Variants in PLXNA4 observed in about 807,000 individuals in gnomAD.
PLXNA4 encodes plexin-A4.
Under a neutral mutation model 191.8 loss-of-function variants are expected in PLXNA4, and 44 were observed. The observed-to-expected ratio is 0.23, with a 90% CI of 0.18 to 0.29. The LOEUF is 0.29. Ranked by LOEUF, PLXNA4 falls within the 10% of genes least tolerant of loss-of-function variation. The pLI, the probability that PLXNA4 is intolerant of heterozygous loss-of-function variation, is 1.00. For missense variants in PLXNA4, 1,800 were observed against 2,488.8 expected, an observed-to-expected ratio of 0.72 and a Z score of 5.89; for synonymous variants, 1,082 against 1,009.5, an observed-to-expected ratio of 1.07 and a Z score of -1.36.
intron 3 of PLXNA4, among the ~76,000 whole-genome samples, chr7:132,345,089 C>A (rs1585016762): frequency 6.6e-6 from 1 of 152,132 alleles, no homozygotes; most frequent in East Asian, 1.9e-4. Flanking sequence ...ATCTTTAGTT[C>A]TTTGGGGGAT....
chr7:132,262,052 C>A (rs1045322942), intron 4 of PLXNA4, among the ~76,000 whole-genome samples: 2 of 152,208 alleles, frequency 1.3e-5, no homozygotes, highest in East Asian at 3.8e-4. Flanking sequence ...CTCTAACAAT[C>A]CAAGATATAT....
Position 132,535,566 on chromosome 7 carries a change from C to G in PLXNA4, c.-86-26787G>C, listed in dbSNP as rs142658980. On this transcript the variant is annotated intron_variant, in intron 1 of 31. Transcript: ENST00000321063. ...AAAGGGGTCCCTTGGTATTCAGGAC[C>G]CTGATTCATCTCATTTACCTCGATG... Among the ~76,000 whole-genome samples the G allele has an allele frequency of 5.4e-4, 82 of 152,240 alleles. No individual in the cohort carries two copies. The East Asian group carries it at 0.013, about 25-fold the overall frequency.
chr7:132,313,873 A>G (rs1801843862), intron 3 of PLXNA4, among the ~76,000 whole-genome samples: 1 of 152,190 alleles, frequency 6.6e-6, no homozygotes, highest in Admixed American at 6.5e-5. Context: ...CACATCAGAC[A>G]CATTCCATAG....
intron 1 of PLXNA4, among the ~76,000 whole-genome samples, chr7:132,572,028 A>G (rs1802003218): frequency 6.6e-6 from 1 of 152,202 alleles, no homozygotes; most frequent in Non-Finnish European, 1.5e-5. Flanking sequence ...GCCTGGCATC[A>G]CAGAGGTAGT....
chr7:132,512,014 G>C (rs1036095593), intron 1 of PLXNA4, among the ~76,000 whole-genome samples: 1 of 152,188 alleles, frequency 6.6e-6, no homozygotes, highest in African/African-American at 2.4e-5. Flanking sequence ...CTGACTTTAT[G>C]TGAATTCACT....
chr7:132,513,261 C>T (rs1798799977), intron 1 of PLXNA4, among the ~76,000 whole-genome samples: 1 of 152,162 alleles, frequency 6.6e-6, no homozygotes. Context: ...ATTATAGAGT[C>T]GTTTAAAATA....
intron 22 of PLXNA4, among the ~76,000 whole-genome samples, chr7:132,166,452 C>G (rs578226900): frequency 1.3e-5 from 2 of 151,358 alleles, no homozygotes; most frequent in South Asian, 4.2e-4. Context: ...AAATTACGTT[C>G]AAACTTGCAC....
Position 132,362,360 on chromosome 7 carries a change from A to T in PLXNA4, c.1372-64138T>A, listed in dbSNP as rs114021402. 4.3e-3 allele frequency among the ~76,000 whole-genome samples: 662 copies of T among 152,284 alleles called. 6 individuals carry two copies. The highest frequency in any genetic ancestry group is 0.015 in the African/African-American group (635 of 41,546). On this transcript the variant is annotated intron_variant, in intron 3 of 31. Transcript: ENST00000321063. ...CATAAGCACTCATTTCTGGGTTGGGAATTGGTGTAACTAGCCCCCTTGCTC... is the reference window on the plus strand; with the variant it reads ...CATAAGCACTCATTTCTGGGTTGGGTATTGGTGTAACTAGCCCCCTTGCTC...
intron 3 of PLXNA4, among the ~76,000 whole-genome samples, chr7:132,376,094 T>C (rs1468789396): frequency 6.6e-6 from 1 of 152,154 alleles, no homozygotes; most frequent in Non-Finnish European, 1.5e-5. Context: ...ATCTGCCCCA[T>C]GGTGTTGTTG....
At chr7:132,251,619 C>T (rs1269201456) in intron 4 of PLXNA4, among the ~76,000 whole-genome samples, 1 of 152,190 alleles carries the variant, frequency 6.6e-6, no homozygotes, top group African/African-American at 2.4e-5. Flanking sequence ...TGCTGACCAG[C>T]GTTCCCAGCA....
chr7:132,134,426 G>T (rs986872915), intron 30 of PLXNA4, among the ~76,000 whole-genome samples: 3 of 152,174 alleles, frequency 2.0e-5, no homozygotes, highest in African/African-American at 7.2e-5. Flanking sequence ...GCCTGCAATG[G>T]AATGACAGTT....
chr7:132,334,953 A>G (rs1802760260), intron 3 of PLXNA4, among the ~76,000 whole-genome samples: 1 of 152,264 alleles, frequency 6.6e-6, no homozygotes, highest in Non-Finnish European at 1.5e-5. Flanking sequence ...GAATGTCAGC[A>G]TATCTACATT....
At chr7:132,254,538 A>G (rs1359526267) in intron 4 of PLXNA4, among the ~76,000 whole-genome samples, 1 of 152,150 alleles carries the variant, frequency 6.6e-6, no homozygotes, top group Non-Finnish European at 1.5e-5. Flanking sequence ...GTATTAGGTG[A>G]CGATTAAATC....
At chr7:132,335,870 C>A (rs1802796496) in intron 3 of PLXNA4, among the ~76,000 whole-genome samples, 1 of 152,312 alleles carries the variant, frequency 6.6e-6, no homozygotes, top group East Asian at 1.9e-4. Flanking sequence ...ACCTTTTTCC[C>A]ATTCTAGGAG....
intron 3 of PLXNA4, among the ~76,000 whole-genome samples, chr7:132,435,191 G>A (rs189802698): frequency 3.3e-5 from 5 of 152,174 alleles, no homozygotes; most frequent in African/African-American, 7.2e-5. Context: ...TCATGGAGCC[G>A]GCTGAGATCT....
chr7:132,622,535 G>A (rs1460185962), intron 2 of PLXNA4, among the ~76,000 whole-genome samples: 2 of 151,110 alleles, frequency 1.3e-5, no homozygotes, highest in Non-Finnish European at 2.9e-5. Flanking sequence ...AGAATTAGGA[G>A]CTATCTGAAG....
At chr7:132,318,655 ACTTTG>A (rs1802041138) in intron 3 of PLXNA4, among the ~76,000 whole-genome samples, 1 of 129,642 alleles carries the variant, frequency 7.7e-6, no homozygotes, top group Non-Finnish European at 1.6e-5. Context: ...ATCATCACGC[ACTTTG>A]CTTTTTTTTT....
At chr7:132,602,488 C>T (rs1487512501) in intron 2 of PLXNA4, among the ~76,000 whole-genome samples, 1 of 152,118 alleles carries the variant, frequency 6.6e-6, no homozygotes, top group Admixed American at 6.5e-5. Context: ...GAGTGTTCTG[C>T]TCAAAATCAA....
At chr7:132,505,576 G>C (rs1239185256) in intron 2 of PLXNA4, among the ~76,000 whole-genome samples, 4 of 152,212 alleles carry the variant, frequency 2.6e-5, no homozygotes. Context: ...ATGTATGCAT[G>C]TATGGGTGTC....
Sources: gnomAD v4.1 joint callset for allele counts (sites outside exome capture counted in the v4.1 genomes callset) on GRCh38, gnomAD v4.1.1 for gene constraint, MANE v1.5 for transcripts, NCBI Gene and HGNC (gene_info 2026-07-23, HGNC 2026-07-21) for gene names.